SH3PXD2A: variants seen among roughly 807,000 people sequenced by gnomAD.
The protein encoded by SH3PXD2A is SH3 and PX domain-containing protein 2A.
SH3PXD2A carries 32 observed loss-of-function variants against 115.2 expected under a neutral mutation model. That is an observed-to-expected ratio of 0.28 (90% CI 0.21 to 0.37). The LOEUF (loss-of-function observed/expected upper bound fraction) is 0.37, where lower values mean the gene tolerates loss of function less well. Ranked by LOEUF, SH3PXD2A falls within the 10% of genes least tolerant of loss-of-function variation. The pLI is 1.00. For synonymous variants in SH3PXD2A, 610 were observed against 629.1 expected, an observed-to-expected ratio of 0.97 and a Z score of 0.45; for missense variants, 1,328 against 1,498.7, an observed-to-expected ratio of 0.89 and a Z score of 1.88.
intron 1 of SH3PXD2A, among the ~76,000 whole-genome samples, chr10:103,853,124 A>T (rs1198533105): frequency 6.6e-6 from 1 of 152,210 alleles, no homozygotes; most frequent in Admixed American, 6.5e-5. Context: ...ACATAATGTC[A>T]TCGATTCTTA....
At chr10:103,717,600 T>C (rs1305640454) in intron 5 of SH3PXD2A, among the ~76,000 whole-genome samples, 2 of 152,168 alleles carry the variant, frequency 1.3e-5, no homozygotes, top group African/African-American at 2.4e-5. Flanking sequence ...CGGCCAGATC[T>C]TTCTCCCACC....
At chr10:103,801,610 C>G (rs1448439314) in intron 1 of SH3PXD2A, among the ~76,000 whole-genome samples, 1 of 147,314 alleles carries the variant, frequency 6.8e-6, no homozygotes, top group African/African-American at 2.6e-5. Context: ...CAATGATTAT[C>G]TTAGGAAAGT....
intron 10 of SH3PXD2A, among the ~76,000 whole-genome samples, chr10:103,621,173 C>T (rs970198329): frequency 2.0e-5 from 3 of 152,222 alleles, no homozygotes; most frequent in African/African-American, 4.8e-5. Flanking sequence ...TGGAGATGGT[C>T]GTGTTTGGGG....
At chr10:103,833,460 C>CATAT (rs747768398) in intron 1 of SH3PXD2A, among the ~76,000 whole-genome samples, 1 of 150,920 alleles carries the variant, frequency 6.6e-6, no homozygotes, top group East Asian at 1.9e-4. Flanking sequence ...TTCCCAAAGA[C>CATAT]ATATATATAT....
chr10:103,653,887 G>A (rs2037168368), intron 8 of SH3PXD2A, among the ~76,000 whole-genome samples: 1 of 151,952 alleles, frequency 6.6e-6, no homozygotes, highest in Non-Finnish European at 1.5e-5. Context: ...GAGTTCTCCG[G>A]CTCACCAGCT....
chr10:103,783,037 G>A (rs2038947353), intron 2 of SH3PXD2A, among the ~76,000 whole-genome samples: 1 of 152,086 alleles, frequency 6.6e-6, no homozygotes, highest in South Asian at 2.1e-4. Context: ...TGCAGGCAGA[G>A]GGAACAGCAA....
chr10:103,661,666 GGC>G, intron 7 of SH3PXD2A: 1 of 985,320 alleles, frequency 1.0e-6, no homozygotes, highest in Non-Finnish European at 1.2e-6. Flanking sequence ...TGCTCCCTCG[GGC>G]GGGAGAGGGA....
chr10:103,701,755 TCATC>T (rs1413789525), intron 5 of SH3PXD2A, among the ~76,000 whole-genome samples: 1 of 121,296 alleles, frequency 8.2e-6, no homozygotes, highest in African/African-American at 3.4e-5. Flanking sequence ...CATCCGTCCA[TCATC>T]CATCCAGCCA....
rs539290245 is a variant in SH3PXD2A at position 103,605,930 on chromosome 10, A to T, written c.1309-13T>A. On this transcript the variant is annotated splice_polypyrimidine_tract_variant and intron_variant, in intron 13 of 14. Coordinates refer to ENST00000369774, the MANE Select transcript of SH3PXD2A (RefSeq NM_001394015.1). ...GCAGTTGGAACCCCTAAGGTTAAGG[A>T]ACACACAGTGGGCAAAACCCGCCTA... 1 of 1,613,544 alleles carries T rather than the reference A, an allele frequency of 6.2e-7. No individual in the cohort carries two copies. Among genetic ancestry groups the T allele is most frequent in the South Asian group, 1.1e-5 (1 of 91,032 alleles).
intron 8 of SH3PXD2A, among the ~76,000 whole-genome samples, chr10:103,648,009 C>T (rs748728971): frequency 2.6e-5 from 4 of 152,176 alleles, no homozygotes; most frequent in East Asian, 1.9e-4. Flanking sequence ...TCTGCTCCAA[C>T]GTGCTAGCCA....
At chr10:103,801,386 G>A in intron 1 of SH3PXD2A, 24 bp from the exon 2 acceptor site, 1 of 1,482,600 alleles carries the variant, frequency 6.7e-7, no homozygotes, top group South Asian at 1.1e-5. Context: ...GTAAGAGCAG[G>A]TGAGCAAGGC....
chr10:103,652,772 G>A (rs2037147820), intron 8 of SH3PXD2A, among the ~76,000 whole-genome samples: 1 of 152,144 alleles, frequency 6.6e-6, no homozygotes, highest in Non-Finnish European at 1.5e-5. Context: ...TGTGTTGGGG[G>A]CAGGCAGAGG....
chr10:103,786,360 C>CT (rs576504245), intron 2 of SH3PXD2A, among the ~76,000 whole-genome samples: 219 of 152,298 alleles, frequency 1.4e-3, no homozygotes, highest in African/African-American at 5.0e-3. Context: ...ACCCTCATCT[C>CT]TTTTTTTTAA....
Position 103,724,284 on chromosome 10 carries a change from G to T in SH3PXD2A, c.384C>A (p.Val128=), listed in dbSNP as rs1174851148. Residue 128 remains valine, a synonymous_variant, in exon 5 of 15, where the codon GTC becomes GTA. Coordinates refer to ENST00000369774, the MANE Select transcript of SH3PXD2A (RefSeq NM_001394015.1). The stretch of plus-strand genomic sequence containing the variant: ...CTATTACTTACTCTTTTGGAGGGTT[G>T]ACATCCTCGGGTCGAGCCTCGAAGA... ...FRFFEARPED[V]NPPKEDYGSS... is the part of the protein sequence containing the mutation. The T allele has an allele frequency of 6.4e-7, 1 of 1,572,308 alleles. No individual in the cohort carries two copies. Among genetic ancestry groups the T allele is most frequent in the Non-Finnish European group, 8.6e-7 (1 of 1,161,300 alleles).
intron 4 of SH3PXD2A, among the ~76,000 whole-genome samples, chr10:103,731,626 C>T (rs2038321004): frequency 6.6e-6 from 1 of 152,162 alleles, no homozygotes; most frequent in Non-Finnish European, 1.5e-5. Context: ...ATGGATCAGC[C>T]TTGGGCTCTG....
chr10:103,810,930 ACATGGACACAGGCGCGCGCGCG>A (rs764284157), intron 1 of SH3PXD2A, among the ~76,000 whole-genome samples: 349 of 4,966 alleles, frequency 0.07, 5 homozygotes, highest in Non-Finnish European at 0.14. Context: ...GGAGACACAC[ACATGGACACAGGCGCGCGCGCG>A]CACACACACA....
intron 1 of SH3PXD2A, among the ~76,000 whole-genome samples, chr10:103,803,375 G>A (rs2039166196): frequency 6.6e-6 from 1 of 152,114 alleles, no homozygotes; most frequent in Non-Finnish European, 1.5e-5. Context: ...GGTATCACAT[G>A]ATACATTGTA....
rs937440953 is a variant in SH3PXD2A, at chr10:103,770,623, G to A, written c.154-3454C>T. 8.5e-5 allele frequency among the ~76,000 whole-genome samples: 13 copies of A among 152,314 alleles called. No homozygotes were observed. The South Asian group carries it at 1.5e-3, about 17-fold the overall frequency. Reference sequence around the variant, plus strand: ...AGTCTGAGCTCAGAGATTTGCTTTCGTTGAAAGCTGACCTGTGGGCAGAAA... The same window carrying A: ...AGTCTGAGCTCAGAGATTTGCTTTCATTGAAAGCTGACCTGTGGGCAGAAA... On this transcript the variant is annotated intron_variant, in intron 2 of 14. Transcript: ENST00000369774.
Position 103,603,083 on chromosome 10 carries a change from G to C in SH3PXD2A, c.2135C>G (p.Ser712Cys). The change falls in exon 15 of 15, where the codon TCC becomes TGC. Residue 712 changes from serine to cysteine, a missense_variant. Physicochemically the swap from Ser to Cys is moderately radical, Grantham distance 112. Transcript: ENST00000369774. ...GGGCTTCAGGTCGCCACTGGTTTTG[G>C]ACAAGGAAGAGGAGGAGGAGGAAGA... ...SSSSSSSSSL[S>C]KTSGDLKPRS... 2 of 1,613,448 alleles carry C rather than the reference G, an allele frequency of 1.2e-6. No homozygotes were observed. The highest frequency in any genetic ancestry group is 1.7e-6 in the Non-Finnish European group (2 of 1,180,042).
Sources: gnomAD v4.1 joint callset for allele counts (sites outside exome capture counted in the v4.1 genomes callset) on GRCh38, gnomAD v4.1.1 for gene constraint, MANE v1.5 for transcripts, NCBI Gene and HGNC (gene_info 2026-07-23, HGNC 2026-07-21) for gene names.